Variants in OR4K15 observed in about 807,000 individuals in gnomAD.
The protein encoded by OR4K15 is olfactory receptor family 4 subfamily K member 15.
For missense variants in OR4K15, 392 were observed against 390.2 expected (o/e 1.00, Z -0.04); for synonymous variants, 144 against 145.6 (o/e 0.99, Z 0.08).
chr14:19,976,297 C>T lies in OR4K15; in HGVS notation c.707C>T (p.Ala236Val), dbSNP rs747528956. 1.2e-6 allele frequency: 2 copies of T among 1,613,732 alleles called. No individual in the cohort carries two copies. Among genetic ancestry groups the T allele is most frequent in the Non-Finnish European group, 1.7e-6 (2 of 1,179,710 alleles). ...RNRSSASMAKARSTLTAHITV... is the reference protein window; with the variant it reads ...RNRSSASMAKVRSTLTAHITV... ...CGCTCCTCTGCAAGCATGGCGAAGGCCCGCTCCACATTGACTGCTCACATC... is the reference window on the plus strand; with the variant it reads ...CGCTCCTCTGCAAGCATGGCGAAGGTCCGCTCCACATTGACTGCTCACATC... The change falls in exon 1 of 1, where the codon GCC becomes GTC. Residue 236 changes from alanine to valine, a missense_variant. Coordinates refer to ENST00000305051, the MANE Select transcript of OR4K15 (RefSeq NM_001005486.2).
Position 19,975,756 on chromosome 14 carries a change from C to T in OR4K15, c.166C>T (p.His56Tyr). The T allele has an allele frequency of 6.2e-7, 1 of 1,613,400 alleles. No homozygotes were observed. Among genetic ancestry groups the T allele is most frequent in the Middle Eastern group, 1.7e-4 (1 of 6,054 alleles). Residue 56 changes from histidine to tyrosine, a missense_variant, in exon 1 of 1, where the codon CAC (histidine) becomes TAC (tyrosine). Physicochemically the swap from His to Tyr is moderately conservative, Grantham distance 83. Coordinates refer to ENST00000305051, the MANE Select transcript of OR4K15 (RefSeq NM_001005486.2). ...ILTVTSDSRLHTPMYFLLANL... is the reference protein window; with the variant it reads ...ILTVTSDSRLYTPMYFLLANL... ...CACTGTGACCTCAGATTCCCGCCTT[C>T]ACACCCCCATGTACTTTCTGCTTGC...
rs148777737 is a variant in OR4K15 at position 19,975,762 on chromosome 14, C to T, written c.172C>T (p.Pro58Ser). Residue 58 changes from proline (P) to serine (S), a missense_variant, in exon 1 of 1, where the codon CCC (proline) becomes TCC (serine). By Grantham distance (74) the Pro-to-Ser change is moderately conservative. Coordinates refer to ENST00000305051, the MANE Select transcript of OR4K15 (RefSeq NM_001005486.2). ...GACCTCAGATTCCCGCCTTCACACC[C>T]CCATGTACTTTCTGCTTGCAAACCT... ...TVTSDSRLHT[P>S]MYFLLANLSF... 5.5e-5 allele frequency: 88 copies of T among 1,613,340 alleles called. No homozygotes were observed. In the African/African-American group the frequency reaches 9.6e-4, roughly 18 times the overall value.
Position 19,975,615 on chromosome 14 carries a change from G to A in OR4K15, c.25G>A (p.Val9Met). 1 of 1,613,284 alleles carries A rather than the reference G, an allele frequency of 6.2e-7. No individual in the cohort carries two copies. MNETNHSR[V>M]TEFVLLGLSS... Reference sequence around the variant, plus strand: ...GATGAATGAGACAAATCATTCTCGGGTGACAGAATTTGTGTTGCTGGGACT... The same window carrying A: ...GATGAATGAGACAAATCATTCTCGGATGACAGAATTTGTGTTGCTGGGACT... Residue 9 changes from valine to methionine, a missense_variant, in exon 1 of 1, where the codon GTG (valine) becomes ATG (methionine). Coordinates refer to ENST00000305051, the MANE Select transcript of OR4K15 (RefSeq NM_001005486.2).
Position 19,976,073 on chromosome 14 carries a change from A to G in OR4K15, c.483A>G (p.Ala161=). 5 of 1,613,880 alleles carry G rather than the reference A, an allele frequency of 3.1e-6. No individual in the cohort carries two copies. The highest frequency in any genetic ancestry group is 4.2e-6 in the Non-Finnish European group (5 of 1,179,830). ...TCATCCATACTACCAGCCAGTTGGC[A>G]TTCACTGTTAATCTGCCATTTTGTG... is the stretch of plus-strand genomic sequence containing the variant. The part of the protein sequence containing the change: ...VGFIHTTSQL[A]FTVNLPFCGP... Residue 161 remains alanine (A), a synonymous_variant, in exon 1 of 1, where the codon GCA becomes GCG. Transcript: ENST00000305051.
chr14:19,975,786 C>T lies in OR4K15; in HGVS notation c.196C>T (p.Leu66=), dbSNP rs147968083. The T allele has an allele frequency of 6.2e-7, 1 of 1,613,368 alleles. No homozygotes were observed. Among genetic ancestry groups the T allele is most frequent in the African/African-American group, 1.3e-5 (1 of 74,808 alleles). The part of the protein sequence containing the change: ...HTPMYFLLAN[L]SFIDVCVASF... Reference sequence around the variant, plus strand: ...CCCCATGTACTTTCTGCTTGCAAACCTGTCATTTATAGACGTATGTGTTGC... The same window carrying T: ...CCCCATGTACTTTCTGCTTGCAAACTTGTCATTTATAGACGTATGTGTTGC... Residue 66 remains leucine (L), a synonymous_variant, in exon 1 of 1, where the codon CTG becomes TTG. Transcript: ENST00000305051.
chr14:19,976,314 G>T lies in OR4K15; in HGVS notation c.724G>T (p.Ala242Ser), dbSNP rs770529200. ...GGCGAAGGCCCGCTCCACATTGACT[G>T]CTCACATCACTGTGGTCACTTTATT... The part of the protein sequence containing the change: ...SMAKARSTLT[A>S]HITVVTLFFG... Residue 242 changes from alanine to serine, a missense_variant, in exon 1 of 1, where the codon GCT (alanine) becomes TCT (serine). By Grantham distance (99) the Ala-to-Ser change is moderately conservative. Transcript: ENST00000305051. 2.5e-6 allele frequency: 4 copies of T among 1,613,540 alleles called. No homozygotes were observed. The Admixed American group carries it at 6.7e-5, about 27-fold the overall frequency.
In OR4K15 at chr14:19,975,725, C is replaced by T; in HGVS notation, c.135C>T (p.Ile45=). The T allele has an allele frequency of 6.8e-6, 11 of 1,613,454 alleles. No homozygotes were observed. The highest frequency in any genetic ancestry group is 9.3e-6 in the Non-Finnish European group (11 of 1,179,602). Reference sequence around the variant, plus strand: ...CAATTCTGTTGGGCAACTTTCTCATCATCCTCACTGTGACCTCAGATTCCC... The same window carrying T: ...CAATTCTGTTGGGCAACTTTCTCATTATCCTCACTGTGACCTCAGATTCCC... ...YLAILLGNFL[I]ILTVTSDSRL... The change falls in exon 1 of 1, where the codon ATC becomes ATT. Residue 45 remains isoleucine, a synonymous_variant. Transcript: ENST00000305051.
rs751191771 is a variant in OR4K15 at position 19,975,766 on chromosome 14, T to G, written c.176T>G (p.Met59Arg). The change falls in exon 1 of 1, where the codon ATG becomes AGG. Residue 59 changes from methionine to arginine, a missense_variant. Physicochemically the swap from Met to Arg is moderately conservative, Grantham distance 91. Coordinates refer to ENST00000305051, the MANE Select transcript of OR4K15 (RefSeq NM_001005486.2). The part of the protein sequence containing the change: ...VTSDSRLHTP[M>R]YFLLANLSFI... The stretch of plus-strand genomic sequence containing the variant: ...TCAGATTCCCGCCTTCACACCCCCA[T>G]GTACTTTCTGCTTGCAAACCTGTCA... 6.2e-7 allele frequency: 1 copy of G among 1,613,438 alleles called. No homozygotes were observed. The highest frequency in any genetic ancestry group is 1.1e-5 in the South Asian group (1 of 91,070).
At position 19,975,927 on chromosome 14, in the gene OR4K15, G is replaced by C; in HGVS notation, c.337G>C (p.Val113Leu). ...FVHLFTGSEM[V>L]LLVSMAYDRY... is the part of the protein sequence containing the mutation. ...TCATCTCTTCACTGGCAGTGAAATGGTGCTCCTAGTTTCCATGGCCTATGA... is the reference window on the plus strand; with the variant it reads ...TCATCTCTTCACTGGCAGTGAAATGCTGCTCCTAGTTTCCATGGCCTATGA... The change falls in exon 1 of 1, where the codon GTG (valine) becomes CTG (leucine). Residue 113 changes from valine to leucine, a missense_variant. Coordinates refer to ENST00000305051, the MANE Select transcript of OR4K15 (RefSeq NM_001005486.2). The C allele has an allele frequency of 6.2e-7, 1 of 1,613,650 alleles. No homozygotes were observed. The highest frequency in any genetic ancestry group is 8.5e-7 in the Non-Finnish European group (1 of 1,179,838).
chr14:19,976,305 A>C lies in OR4K15; in HGVS notation c.715A>C (p.Thr239Pro). Residue 239 changes from threonine (T) to proline (P), a missense_variant, in exon 1 of 1, where the codon ACA becomes CCA. By Grantham distance (38) the Thr-to-Pro change is conservative. Transcript: ENST00000305051. Reference protein sequence around the residue: ...SSASMAKARSTLTAHITVVTL... With the variant: ...SSASMAKARSPLTAHITVVTL... ...TGCAAGCATGGCGAAGGCCCGCTCC[A>C]CATTGACTGCTCACATCACTGTGGT... The C allele has an allele frequency of 6.2e-7, 1 of 1,613,802 alleles. No homozygotes were observed. Among genetic ancestry groups the C allele is most frequent in the South Asian group, 1.1e-5 (1 of 91,082 alleles).
In OR4K15 at chr14:19,975,673, T is replaced by G. The variant is rs778278600; in HGVS notation, c.83T>G (p.Phe28Cys). 2.4e-5 allele frequency: 39 copies of G among 1,613,372 alleles called. No homozygotes were observed. Among genetic ancestry groups the G allele is most frequent in the African/African-American group, 5.3e-5 (4 of 74,862 alleles). ...TCAAGGGAGCTCCAACCTTTCTTGT[T>G]TCTTACATTTTCACTACTTTATCTA... is the stretch of plus-strand genomic sequence containing the variant. ...SSSRELQPFLFLTFSLLYLAI... is the reference protein window; with the variant it reads ...SSSRELQPFLCLTFSLLYLAI... The change falls in exon 1 of 1, where the codon TTT becomes TGT. Residue 28 changes from phenylalanine (F) to cysteine (C), a missense_variant. Phe to Cys is a radical substitution (Grantham distance 205). Coordinates refer to ENST00000305051, the MANE Select transcript of OR4K15 (RefSeq NM_001005486.2).
rs1883016249 is a variant in OR4K15 at position 19,975,852 on chromosome 14, G to A, written c.262G>A (p.Glu88Lys). The stretch of plus-strand genomic sequence containing the variant: ...TAAAATGATTGCAGACTTTCTGGTT[G>A]AGCGCAAGACTATTTCTTTTGATGC... Reference protein sequence around the residue: ...TPKMIADFLVERKTISFDACL... With the variant: ...TPKMIADFLVKRKTISFDACL... The change falls in exon 1 of 1, where the codon GAG (glutamate) becomes AAG (lysine). Residue 88 changes from glutamate to lysine, a missense_variant. Physicochemically the swap from Glu to Lys is moderately conservative, Grantham distance 56 (BLOSUM62 1). Transcript: ENST00000305051. The A allele has an allele frequency of 3.1e-6, 5 of 1,613,562 alleles. No homozygotes were observed. Among genetic ancestry groups the A allele is most frequent in the Non-Finnish European group, 4.2e-6 (5 of 1,179,744 alleles).
rs778521798 is a variant in OR4K15 at position 19,976,420 on chromosome 14, T to C, written c.830T>C (p.Ile277Thr). ...AAAGTCCTTGCTGTATTCTACACCA[T>C]CTTCACGCTTATTTTAAACCCTGTA... ...VDKVLAVFYTIFTLILNPVIY... is the reference protein window; with the variant it reads ...VDKVLAVFYTTFTLILNPVIY... The change falls in exon 1 of 1, where the codon ATC becomes ACC. Residue 277 changes from isoleucine to threonine, a missense_variant. Transcript: ENST00000305051. 1.2e-6 allele frequency: 2 copies of C among 1,613,754 alleles called. No individual in the cohort carries two copies. The highest frequency in any genetic ancestry group is 1.7e-5 in the Admixed American group (1 of 59,984).
In OR4K15 at chr14:19,975,668, C is replaced by T; in HGVS notation, c.78C>T (p.Phe26=). ...GLSSSRELQP[F]LFLTFSLLYL... is the part of the protein sequence containing the mutation. ...CTAGTTCAAGGGAGCTCCAACCTTT[C>T]TTGTTTCTTACATTTTCACTACTTT... Residue 26 remains phenylalanine (F), a synonymous_variant, in exon 1 of 1, where the codon TTC becomes TTT. Coordinates refer to ENST00000305051, the MANE Select transcript of OR4K15 (RefSeq NM_001005486.2). 2 of 1,613,424 alleles carry T rather than the reference C, an allele frequency of 1.2e-6. No homozygotes were observed. Among genetic ancestry groups the T allele is most frequent in the Non-Finnish European group, 1.7e-6 (2 of 1,179,562 alleles).
rs1883024061 is a variant in OR4K15, at chr14:19,976,117, GT to G, written c.533del (p.Phe178SerfsTer6). On this transcript the variant is annotated frameshift_variant, in exon 1 of 1. Transcript: ENST00000305051. LOFTEE classifies it low-confidence loss of function (END_TRUNC). ...TTTTGTGGTCCTAATAAGGTAGACA[GT>G]TTTTTCTGTGACCTTCCTCTAGTGA... ...LPFCGPNKVDSFFCDLPLVTK... is the reference protein window; with the variant it reads ...LPFCGPNKVDXFFCDLPLVTK... The G allele has an allele frequency of 1.2e-6, 2 of 1,613,760 alleles. No individual in the cohort carries two copies. The highest frequency in any genetic ancestry group is 2.7e-5 in the African/African-American group (2 of 74,894).
Position 19,976,052 on chromosome 14 carries a change from C to T in OR4K15, c.462C>T (p.Ile154=). The T allele has an allele frequency of 6.2e-7, 1 of 1,613,798 alleles. No homozygotes were observed. Among genetic ancestry groups the T allele is most frequent in the Admixed American group, 1.7e-5 (1 of 59,984 alleles). ...LVLISWFVGF[I]HTTSQLAFTV... ...TCATTTCATGGTTTGTGGGCTTCAT[C>T]CATACTACCAGCCAGTTGGCATTCA... The change falls in exon 1 of 1, where the codon ATC becomes ATT. Residue 154 remains isoleucine, a synonymous_variant. Coordinates refer to ENST00000305051, the MANE Select transcript of OR4K15 (RefSeq NM_001005486.2).
Sources: allele counts gnomAD v4.1 joint callset, GRCh38; gene constraint gnomAD v4.1.1; transcripts MANE v1.5; gene names NCBI Gene and HGNC (gene_info 2026-07-23, HGNC 2026-07-21).